Variants in ADAMTS5 observed in about 807,000 individuals in gnomAD.
ADAMTS5 encodes A disintegrin and metalloproteinase with thrombospondin motifs 5.
ADAMTS5 carries 54 observed loss-of-function variants against 81.4 expected under a neutral mutation model. The ratio of observed to expected loss-of-function variants is 0.66; its 90% CI spans 0.53 to 0.83. The LOEUF is 0.83. ADAMTS5 is among the 40% of genes least tolerant of loss of function. The probability of loss-of-function intolerance (pLI) is 0.00; values close to 1 mark genes in which losing one functional copy is unlikely to be tolerated. For missense variants in ADAMTS5, 1,194 were observed against 1,229.9 expected, an observed-to-expected ratio of 0.97 and a Z score of 0.44; for synonymous variants, 532 against 508.8, an observed-to-expected ratio of 1.05 and a Z score of -0.61.
intron 2 of ADAMTS5, among the ~76,000 whole-genome samples, chr21:26,951,327 T>C (rs1348974968): frequency 1.3e-5 from 2 of 152,096 alleles, no homozygotes; most frequent in Non-Finnish European, 2.9e-5. Flanking sequence ...CAGTAACACA[T>C]TCACACTGTT....
intron 3 of ADAMTS5, among the ~76,000 whole-genome samples, chr21:26,937,363 T>C (rs1223357704): frequency 2.6e-5 from 4 of 152,244 alleles, no homozygotes; most frequent in Non-Finnish European, 4.4e-5. Context: ...GTCATACATG[T>C]GGAGATGATC....
At chr21:26,963,302 CA>C (rs1393338858) in intron 1 of ADAMTS5, among the ~76,000 whole-genome samples, 2 of 151,566 alleles carry the variant, frequency 1.3e-5, no homozygotes, top group African/African-American at 4.8e-5. Flanking sequence ...ACTATCCAAA[CA>C]AAAAACAAAT....
intron 2 of ADAMTS5, among the ~76,000 whole-genome samples, chr21:26,949,085 A>G (rs984526903): frequency 6.6e-6 from 1 of 151,808 alleles, no homozygotes; most frequent in Non-Finnish European, 1.5e-5. Context: ...GTCCTCATTG[A>G]TATTCTGGGA....
Position 26,918,912 on chromosome 21 carries a change from C to T in ADAMTS5, c.*5141G>A, listed in dbSNP as rs192118061. ...AAGTCTGCTACTCCGGCCTGATGCTCCTCAAATTTTAATGACCCCTTAAAT... is the reference window on the plus strand; with the variant it reads ...AAGTCTGCTACTCCGGCCTGATGCTTCTCAAATTTTAATGACCCCTTAAAT... On this transcript the variant is annotated 3_prime_UTR_variant, in exon 8 of 8. Coordinates refer to ENST00000284987, the MANE Select transcript of ADAMTS5 (RefSeq NM_007038.5). The T allele has an allele frequency of 6.6e-6, 1 of 151,990 alleles. No homozygotes were observed. Among genetic ancestry groups the T allele is most frequent in the East Asian group, 1.9e-4 (1 of 5,164 alleles). The allele number at this position is 151,990 out of a possible 1,614,324, so 9.4% of individuals were successfully genotyped here. A position where few individuals can be genotyped will look rare whatever the true frequency, so the allele number is the denominator to read the frequency against.
intron 1 of ADAMTS5, among the ~76,000 whole-genome samples, chr21:26,960,990 C>T (rs1987519714): frequency 6.6e-6 from 1 of 152,228 alleles, no homozygotes; most frequent in Non-Finnish European, 1.5e-5. Context: ...TGCTGTGCAG[C>T]AATGACCATT....
chr21:26,924,739 AAC>A (rs1196004507), intron 7 of ADAMTS5, 119 bp from the exon 8 acceptor site: 3 of 862,850 alleles, frequency 3.5e-6, no homozygotes, highest in African/African-American at 3.4e-5. Context: ...GTCTTCTCTT[AAC>A]ACACAGTTTT....
At position 26,966,203 on chromosome 21, in the gene ADAMTS5, G is replaced by C. The variant is rs780087867; in HGVS notation, c.189C>G (p.Pro63=). 31 of 1,597,312 alleles carry C rather than the reference G, an allele frequency of 1.9e-5. No individual in the cohort carries two copies. In the South Asian group the frequency reaches 2.9e-4, roughly 15 times the overall value. The change falls in exon 1 of 8, where the codon CCC becomes CCG. Residue 63 remains proline, a synonymous_variant. Transcript: ENST00000284987. Reference sequence around the variant, plus strand: ...CCTTGCTCCTGCGCCGCTGCGCCAGGGGGTGCGGGTGGCCGGGAGGCTCGG... The same window carrying C: ...CCTTGCTCCTGCGCCGCTGCGCCAGCGGGTGCGGGTGGCCGGGAGGCTCGG... ...ERAEPPGHPH[P]LAQRRRSKGL... is the part of the protein sequence containing the mutation.
rs76411347 is a variant in ADAMTS5 at position 26,929,653 on chromosome 21, C to T, written c.2225+233G>A. 7.2e-3 allele frequency among the ~76,000 whole-genome samples: 1,097 copies of T among 152,232 alleles called. 14 individuals are homozygous for T. The highest frequency in any genetic ancestry group is 0.024 in the African/African-American group (982 of 41,560). On this transcript the variant is annotated intron_variant, in intron 7 of 7. Transcript: ENST00000284987. The stretch of plus-strand genomic sequence containing the variant: ...TTCTGACTCTACAAGCTATTGATTC[C>T]CATGGCTACTGCAGTTTATCTGCTT...
At chr21:26,962,569 CAT>C (rs1163653685) in intron 1 of ADAMTS5, among the ~76,000 whole-genome samples, 2 of 152,182 alleles carry the variant, frequency 1.3e-5, no homozygotes, top group African/African-American at 4.8e-5. Context: ...AGGTAGAAAA[CAT>C]ATCCTCGTAC....
chr21:26,940,045 A>G (rs1987084269), intron 3 of ADAMTS5, among the ~76,000 whole-genome samples: 1 of 152,230 alleles, frequency 6.6e-6, no homozygotes, highest in Non-Finnish European at 1.5e-5. Flanking sequence ...AAATCAGGAA[A>G]CACTCAGTAC....
At position 26,952,056 on chromosome 21, in the gene ADAMTS5, TGAATC is replaced by T. The variant is rs544305539; in HGVS notation, c.1237+2678_1237+2682del. 5.3e-5 allele frequency among the ~76,000 whole-genome samples: 8 copies of T among 152,308 alleles called. No individual in the cohort carries two copies. In the East Asian group the frequency reaches 1.5e-3, roughly 29 times the overall value. ...CCAGATTCTTTTATGAAAGCAGAAT[TGAATC>T]CATATTCCCCCACTTCCAGACCTTA... On this transcript the variant is annotated intron_variant, in intron 2 of 7. Coordinates refer to ENST00000284987, the MANE Select transcript of ADAMTS5 (RefSeq NM_007038.5).
chr21:26,931,099 T>G (rs768970640), intron 6 of ADAMTS5, among the ~76,000 whole-genome samples: 1 of 152,060 alleles, frequency 6.6e-6, no homozygotes, highest in Non-Finnish European at 1.5e-5. Context: ...CAGACTGGAG[T>G]GCAGTGGCGT....
chr21:26,924,649 G>A, intron 7 of ADAMTS5, 29 bp from the exon 8 acceptor site: 1 of 1,532,262 alleles, frequency 6.5e-7, no homozygotes, highest in East Asian at 2.3e-5. Flanking sequence ...ACAGGAAGTG[G>A]GGGAAGGTGG....
At chr21:26,925,561 G>A (rs745840917) in intron 7 of ADAMTS5, among the ~76,000 whole-genome samples, 1 of 152,122 alleles carries the variant, frequency 6.6e-6, no homozygotes, top group Non-Finnish European at 1.5e-5. Context: ...AAGCACCAAG[G>A]GTGAAATGAC....
In ADAMTS5 at chr21:26,965,950, G is replaced by A. The variant is rs773931254; in HGVS notation, c.442C>T (p.Leu148Phe). The A allele has an allele frequency of 2.5e-6, 4 of 1,613,632 alleles. No individual in the cohort carries two copies. Among genetic ancestry groups the A allele is most frequent in the Non-Finnish European group, 3.4e-6 (4 of 1,179,912 alleles). Residue 148 changes from leucine to phenylalanine, a missense_variant, in exon 1 of 8, where the codon CTC becomes TTC. This residue lies in a region of ADAMTS5 where 498 missense variants were observed against 412.3 expected (regional missense o/e 1.21). Transcript: ENST00000284987. ...GSPRSLAVFD[L>F]CGGLDGFFAV... Reference sequence around the variant, plus strand: ...AAGAAGCCGTCGAGACCCCCACAGAGGTCAAAGACAGCCAGAGAGCGGGGA... The same window carrying A: ...AAGAAGCCGTCGAGACCCCCACAGAAGTCAAAGACAGCCAGAGAGCGGGGA...
In ADAMTS5 at chr21:26,917,962, A is replaced by G. The variant is rs756911552; in HGVS notation, c.*6091T>C. On this transcript the variant is annotated 3_prime_UTR_variant, in exon 8 of 8. Transcript: ENST00000284987. ...ATTTATTATGCCCACTGAACCCACA[A>G]AAGCAGTGTTTAATTTTACAGTTTA... 2.0e-5 allele frequency: 3 copies of G among 151,980 alleles called. No individual in the cohort carries two copies. Among genetic ancestry groups the G allele is most frequent in the South Asian group, 2.1e-4 (1 of 4,820 alleles). 9.4% of individuals were successfully genotyped at this position (151,980 alleles called of 1,614,324 possible). A position where few individuals can be genotyped will look rare whatever the true frequency, so the allele number is the denominator to read the frequency against.
At chr21:26,930,661 T>G (rs948834120) in intron 6 of ADAMTS5, among the ~76,000 whole-genome samples, 21 of 152,146 alleles carry the variant, frequency 1.4e-4, no homozygotes, top group African/African-American at 5.1e-4. Flanking sequence ...AATAAACGGA[T>G]TAGTGTATAG....
intron 3 of ADAMTS5, among the ~76,000 whole-genome samples, chr21:26,940,913 G>T (rs1343964697): frequency 6.6e-6 from 1 of 152,002 alleles, no homozygotes; most frequent in Non-Finnish European, 1.5e-5. Flanking sequence ...GAGCTTTTTG[G>T]TTACAATTTA....
At position 26,933,801 on chromosome 21, in the gene ADAMTS5, A is replaced by C. The variant is rs115637547; in HGVS notation, c.1689+665T>G. On this transcript the variant is annotated intron_variant, in intron 4 of 7. Transcript: ENST00000284987. ...GACTGTGTCAGGTTATCTGATGATGAATGGTTGGGTGATGCCCTGGAAAGA... is the reference window on the plus strand; with the variant it reads ...GACTGTGTCAGGTTATCTGATGATGCATGGTTGGGTGATGCCCTGGAAAGA... 3.4e-3 allele frequency among the ~76,000 whole-genome samples: 516 copies of C among 152,266 alleles called. 2 individuals are homozygous for C. The highest frequency in any genetic ancestry group is 0.012 in the African/African-American group (492 of 41,546).
Sources: allele counts gnomAD v4.1 joint callset (sites outside exome capture counted in the v4.1 genomes callset), GRCh38; gene constraint gnomAD v4.1.1; regional missense constraint gnomAD v4.1.1; transcripts MANE v1.5; gene names NCBI Gene and HGNC (gene_info 2026-07-23, HGNC 2026-07-21).